ZUP1: variants seen among roughly 807,000 people sequenced by gnomAD.
ZUP1 encodes zinc finger-containing ubiquitin peptidase 1.
In ZUP1, 55 loss-of-function variants were observed where a neutral mutation model predicts 68.1. That is an observed-to-expected ratio of 0.81 (90% CI 0.65 to 1.01). The LOEUF (loss-of-function observed/expected upper bound fraction) is 1.01, where lower values mean the gene tolerates loss of function less well. Ranked by LOEUF, ZUP1 falls within the 50% of genes least tolerant of loss-of-function variation. The pLI is 0.00. For synonymous variants in ZUP1, 223 were observed against 221.5 expected, an observed-to-expected ratio of 1.01 and a Z score of -0.06; for missense variants, 684 against 674.9, an observed-to-expected ratio of 1.01 and a Z score of -0.15.
At chr6:116,641,030 G>A (rs948969067) in intron 9 of ZUP1, among the ~76,000 whole-genome samples, 2 of 150,404 alleles carry the variant, frequency 1.3e-5, no homozygotes, top group African/African-American at 4.9e-5. Flanking sequence ...AAAGGCAGGG[G>A]TTGCAATCCT....
intron 2 of ZUP1, among the ~76,000 whole-genome samples, chr6:116,664,799 A>G (rs1464225810): frequency 6.6e-6 from 1 of 152,142 alleles, no homozygotes; most frequent in Non-Finnish European, 1.5e-5. Flanking sequence ...TATAAATCAG[A>G]GATATATCTG....
intron 9 of ZUP1, among the ~76,000 whole-genome samples, chr6:116,638,852 G>A (rs956166177): frequency 6.6e-6 from 1 of 152,200 alleles, no homozygotes; most frequent in Non-Finnish European, 1.5e-5. Flanking sequence ...AGTGGGTGCA[G>A]CGCACCATGC....
chr6:116,645,716 G>C lies in ZUP1; in HGVS notation c.1687C>G (p.Leu563Val). ...VEGALSLEEK[L>V]ARRQASQVFT... ...CATATAAATATTTAGATACTTACAA[G>C]TTTCTCCTCTAGAGAAAGAGCACCC... The change falls in exon 9 of 10, where the codon CTT (leucine) becomes GTT (valine). Residue 563 changes from leucine (L) to valine (V), a missense_variant and splice_region_variant. Leu to Val is a conservative substitution (Grantham distance 32, BLOSUM62 1). Transcript: ENST00000368576. 1 of 1,596,754 alleles carries C rather than the reference G, an allele frequency of 6.3e-7. No individual in the cohort carries two copies. The highest frequency in any genetic ancestry group is 8.5e-7 in the Non-Finnish European group (1 of 1,172,066).
At position 116,645,831 on chromosome 6, in the gene ZUP1, T is replaced by C; in HGVS notation, c.1572A>G (p.Leu524=). The change falls in exon 9 of 10, where the codon TTA becomes TTG. Residue 524 remains leucine, a synonymous_variant. Transcript: ENST00000368576. ...GCPSREMQKL[L]KQDIEASSLK... is the part of the protein sequence containing the mutation. ...GACTGCTAGCCTCTATGTCTTGCTTTAATAATTTCTGCATTTCTCGAGAAG... is the reference window on the plus strand; with the variant it reads ...GACTGCTAGCCTCTATGTCTTGCTTCAATAATTTCTGCATTTCTCGAGAAG... The C allele has an allele frequency of 6.2e-7, 1 of 1,613,938 alleles. No homozygotes were observed. Among genetic ancestry groups the C allele is most frequent in the Non-Finnish European group, 8.5e-7 (1 of 1,179,918 alleles).
chr6:116,662,303 C>T (rs1776866878), intron 2 of ZUP1, among the ~76,000 whole-genome samples: 2 of 152,180 alleles, frequency 1.3e-5, no homozygotes, highest in Admixed American at 6.5e-5. Context: ...CTACTGCAAG[C>T]CAATCCCTCC....
At chr6:116,643,463 C>G (rs889663544) in intron 9 of ZUP1, among the ~76,000 whole-genome samples, 3 of 152,322 alleles carry the variant, frequency 2.0e-5, no homozygotes, top group African/African-American at 7.2e-5. Context: ...GTAACCAAAA[C>G]AGCATGGTAC....
At chr6:116,658,723 C>A in intron 4 of ZUP1, 80 bp downstream of exon 4, 2 of 1,368,680 alleles carry the variant, frequency 1.5e-6, no homozygotes, top group Admixed American at 2.6e-5. Context: ...ATAACAAGGA[C>A]AAAAATAATA....
chr6:116,666,675 A>G lies in ZUP1; in HGVS notation c.518T>C (p.Val173Ala). 1 of 1,599,646 alleles carries G rather than the reference A, an allele frequency of 6.3e-7. No individual in the cohort carries two copies. The highest frequency in any genetic ancestry group is 1.7e-4 in the Middle Eastern group (1 of 5,998). ...TAAAAGATTGGCATGCTTTGTTTTC[A>G]CATGAGTTTCCATATCTTCACTGTG... ...EEHSEDMETH[V>A]KTKHANLLDI... Residue 173 changes from valine (V) to alanine (A), a missense_variant, in exon 2 of 10, where the codon GTG (valine) becomes GCG (alanine). By Grantham distance (64) the Val-to-Ala change is moderately conservative. Transcript: ENST00000368576.
At chr6:116,648,771 G>A (rs1776391627) in intron 7 of ZUP1, among the ~76,000 whole-genome samples, 1 of 151,818 alleles carries the variant, frequency 6.6e-6, no homozygotes, top group African/African-American at 2.4e-5. Flanking sequence ...AGACCAGCCT[G>A]GACAACATGG....
rs1469205933 is a variant in ZUP1 at position 116,635,839 on chromosome 6, A to G, written c.1730T>C (p.Ile577Thr). 2.5e-6 allele frequency: 4 copies of G among 1,597,296 alleles called. No individual in the cohort carries two copies. Among genetic ancestry groups the G allele is most frequent in the Non-Finnish European group, 3.4e-6 (4 of 1,175,170 alleles). Residue 577 changes from isoleucine (I) to threonine (T), a missense_variant, in exon 10 of 10, where the codon ATT (isoleucine) becomes ACT (threonine). Coordinates refer to ENST00000368576, the MANE Select transcript of ZUP1 (RefSeq NM_145062.3). Reference protein sequence around the residue: ...QASQVFTAEKIP With the variant: ...QASQVFTAEKTP ...GCTTAAATGCTTGATTCTTCAAGGAATCTTCTCGGCTGTAAAGACTTGAGA... is the reference window on the plus strand; with the variant it reads ...GCTTAAATGCTTGATTCTTCAAGGAGTCTTCTCGGCTGTAAAGACTTGAGA...
chr6:116,668,082 A>G (rs1407732454), intron 1 of ZUP1, among the ~76,000 whole-genome samples: 1 of 152,212 alleles, frequency 6.6e-6, no homozygotes, highest in Admixed American at 6.5e-5. Flanking sequence ...TCGTTCAGCT[A>G]AAGACTATTT....
intron 9 of ZUP1, among the ~76,000 whole-genome samples, chr6:116,643,119 C>A (rs1260670325): frequency 1.3e-5 from 2 of 152,196 alleles, no homozygotes; most frequent in East Asian, 1.9e-4. Flanking sequence ...ACTTAGGAAT[C>A]CAACTTACAA....
At chr6:116,643,380 G>A in intron 9 of ZUP1, among the ~76,000 whole-genome samples, 1 of 152,096 alleles carries the variant, frequency 6.6e-6, no homozygotes, top group Non-Finnish European at 1.5e-5. Flanking sequence ...GCATCGCCAA[G>A]TCAATCCTAA....
At chr6:116,643,950 G>T (rs911256483) in intron 9 of ZUP1, among the ~76,000 whole-genome samples, 1 of 152,060 alleles carries the variant, frequency 6.6e-6, no homozygotes, top group Non-Finnish European at 1.5e-5. Flanking sequence ...CTGACAAAGG[G>T]CTAATATCCA....
At position 116,662,170 on chromosome 6, in the gene ZUP1, A is replaced by G. The variant is rs76200964; in HGVS notation, c.560-1324T>C. Among the ~76,000 whole-genome samples the G allele has an allele frequency of 4.3e-4, 65 of 152,356 alleles. 1 individual carries two copies. The East Asian group carries it at 0.012, about 29-fold the overall frequency. On this transcript the variant is annotated intron_variant, in intron 2 of 9. Coordinates refer to ENST00000368576, the MANE Select transcript of ZUP1 (RefSeq NM_145062.3). The stretch of plus-strand genomic sequence containing the variant: ...AAGCAGCAGTAAGAAATAATGGTAT[A>G]CAGCTTCCATAAGTAATGCTGGCGG...
chr6:116,660,783 A>C lies in ZUP1; in HGVS notation c.623T>G (p.Leu208Arg), dbSNP rs1332651810. 11 of 1,610,968 alleles carry C rather than the reference A, an allele frequency of 6.8e-6. No individual in the cohort carries two copies. Among genetic ancestry groups the C allele is most frequent in the Non-Finnish European group, 9.3e-6 (11 of 1,178,272 alleles). The change falls in exon 3 of 10, where the codon CTT becomes CGT. Residue 208 changes from leucine (L) to arginine (R), a missense_variant. Transcript: ENST00000368576. The stretch of plus-strand genomic sequence containing the variant: ...CAAATGCAAGTCAACATGTTCCTGA[A>C]GAATATGGTAATTTGTACATATGAG... ...CGLICTNYHI[L>R]QEHVDLHLEE...
At chr6:116,638,433 G>T (rs1163224853) in intron 9 of ZUP1, among the ~76,000 whole-genome samples, 1 of 152,030 alleles carries the variant, frequency 6.6e-6, no homozygotes, top group African/African-American at 2.4e-5. Context: ...CTGGAATATT[G>T]TGCTCATCAC....
chr6:116,654,951 C>T (rs147998948), intron 5 of ZUP1, among the ~76,000 whole-genome samples: 7 of 152,152 alleles, frequency 4.6e-5, no homozygotes, highest in South Asian at 2.1e-4. Context: ...ACCTTAACAA[C>T]GTTGAAGATT....
In ZUP1 at chr6:116,647,571, C is replaced by A; in HGVS notation, c.1356G>T (p.Leu452Phe). The A allele has an allele frequency of 1.3e-6, 2 of 1,587,576 alleles. No individual in the cohort carries two copies. The highest frequency in any genetic ancestry group is 1.7e-6 in the Non-Finnish European group (2 of 1,162,154). Residue 452 changes from leucine (L) to phenylalanine (F), a missense_variant, in exon 8 of 10, where the codon TTG becomes TTT. Leu to Phe is a conservative substitution (Grantham distance 22, BLOSUM62 0). Coordinates refer to ENST00000368576, the MANE Select transcript of ZUP1 (RefSeq NM_145062.3). ...IVDFHKSTGPLGTHPRLFEWI... is the reference protein window; with the variant it reads ...IVDFHKSTGPFGTHPRLFEWI... ...ATTCAAATAAGCGAGGGTGTGTACC[C>A]AAAGGACCAGTTGATTTGTGAAAAT... is the stretch of plus-strand genomic sequence containing the variant.
Sources: allele counts gnomAD v4.1 joint callset (sites outside exome capture counted in the v4.1 genomes callset), GRCh38; gene constraint gnomAD v4.1.1; transcripts MANE v1.5; gene names NCBI Gene and HGNC (gene_info 2026-07-23, HGNC 2026-07-21).